Variants in HECTD4 observed in about 807,000 individuals in gnomAD.
HECTD4 encodes the protein HECT domain E3 ubiquitin protein ligase 4.
In HECTD4, 114 loss-of-function variants were observed where a neutral mutation model predicts 471.5. That is an observed-to-expected ratio of 0.24 (90% confidence interval 0.21 to 0.28). The LOEUF is 0.28. HECTD4 is among the 10% of genes least tolerant of loss of function. HECTD4 has a pLI of 1.00. For synonymous variants in HECTD4, 2,012 were observed against 2,256.0 expected, an observed-to-expected ratio of 0.89 and a Z score of 3.07; for missense variants, 3,866 against 5,651.5, an observed-to-expected ratio of 0.68 and a Z score of 10.13.
At chr12:112,265,112 T>C (rs967667117) in intron 16 of HECTD4, 63 bp downstream of exon 16, 5 of 1,445,194 alleles carry the variant, frequency 3.5e-6, no homozygotes, top group South Asian at 2.7e-5. Context: ...CCTGTCAATA[T>C]AATAAAATGA....
intron 60 of HECTD4, among the ~76,000 whole-genome samples, chr12:112,190,054 C>T (rs935283066): frequency 6.6e-6 from 1 of 152,104 alleles, no homozygotes; most frequent in Non-Finnish European, 1.5e-5. Flanking sequence ...GCGTCTGGCC[C>T]GAGTGTGCAA....
In HECTD4 at chr12:112,162,258, G is replaced by T; in HGVS notation, c.*129C>A. The T allele has an allele frequency of 9.5e-7, 1 of 1,052,450 alleles. No individual in the cohort carries two copies. The highest frequency in any genetic ancestry group is 1.4e-6 in the Non-Finnish European group (1 of 712,142). 65.2% of individuals were successfully genotyped at this position (1,052,450 alleles called of 1,614,324 possible). ...TTCCAGGAGGCCCTGGAATGTGGAC[G>T]AAAGTTTGGAAAAGCAAAATGTTGC... On this transcript the variant is annotated 3_prime_UTR_variant, in exon 76 of 76. Transcript: ENST00000682272. The surrounding 1 kb of genome is among the most constrained non-coding windows in gnomAD (Gnocchi z 5.2).
intron 1 of HECTD4, among the ~76,000 whole-genome samples, chr12:112,337,460 T>C (rs2035979118): frequency 6.6e-6 from 1 of 152,186 alleles, no homozygotes; most frequent in African/African-American, 2.4e-5. Context: ...CTTACCAATC[T>C]ATGTTTAGCC....
chr12:112,271,726 G>A (rs994637997), intron 11 of HECTD4, among the ~76,000 whole-genome samples: 2 of 152,094 alleles, frequency 1.3e-5, no homozygotes, highest in Non-Finnish European at 2.9e-5. Flanking sequence ...CCACTCTACT[G>A]AATTTTTCTT....
intron 40 of HECTD4, 136 bp downstream of exon 40, chr12:112,230,549 TCC>T: frequency 9.5e-7 from 1 of 1,047,334 alleles, no homozygotes. Flanking sequence ...TAAAGCAACT[TCC>T]AGGGGAAAGT....
In HECTD4 at chr12:112,179,438, A is replaced by T. The variant is rs766470740; in HGVS notation, c.10988-41T>A. ...GGGGCAAAACAATTCTGCCGTGAACATGCATCGGGACAAGCCCTGCGAGCA... is the reference window on the plus strand; with the variant it reads ...GGGGCAAAACAATTCTGCCGTGAACTTGCATCGGGACAAGCCCTGCGAGCA... On this transcript the variant is annotated intron_variant, in intron 62 of 75. Coordinates refer to ENST00000682272, the MANE Select transcript of HECTD4 (RefSeq NM_001388303.1). This position sits in a 1 kb window ranked among gnomAD's most constrained non-coding sequence, Gnocchi z 4.3. 12 of 1,517,436 alleles carry T rather than the reference A, an allele frequency of 7.9e-6. No homozygotes were observed. The highest frequency in any genetic ancestry group is 9.0e-6 in the Non-Finnish European group (10 of 1,106,408). 94.0% of individuals were successfully genotyped at this position (1,517,436 alleles called of 1,614,324 possible). A position where few individuals can be genotyped will look rare whatever the true frequency, so the allele number is the denominator to read the frequency against.
chr12:112,229,619 T>C (rs1375170510), intron 41 of HECTD4, 79 bp downstream of exon 41: 1 of 1,380,574 alleles, frequency 7.2e-7, no homozygotes, highest in African/African-American at 1.4e-5. Flanking sequence ...ATAATACTTG[T>C]CTTACAGATG....
chr12:112,251,761 T>C (rs1017019446), intron 23 of HECTD4, among the ~76,000 whole-genome samples: 11 of 152,128 alleles, frequency 7.2e-5, no homozygotes, highest in African/African-American at 2.7e-4. Context: ...GTACTCTGTT[T>C]TTTGTTTGTT....
chr12:112,184,478 G>C lies in HECTD4; in HGVS notation c.10488C>G (p.Ser3496Arg), dbSNP rs763605016. ...TGACGGTTTGGGAGATGCCCTGCGA[G>C]CTGCAGATGGAGGCCTGGCTGGTGG... Reference protein sequence around the residue: ...SASTSQASICSSQGISQTVSD... With the variant: ...SASTSQASICRSQGISQTVSD... The change falls in exon 61 of 76, where the codon AGC becomes AGG. Residue 3496 changes from serine to arginine, a missense_variant. Coordinates refer to ENST00000682272, the MANE Select transcript of HECTD4 (RefSeq NM_001388303.1). This position sits in a 1 kb window ranked among gnomAD's most constrained non-coding sequence, Gnocchi z 9.1. 5 of 1,607,106 alleles carry C rather than the reference G, an allele frequency of 3.1e-6. No homozygotes were observed. Among genetic ancestry groups the C allele is most frequent in the Non-Finnish European group, 4.2e-6 (5 of 1,177,416 alleles).
In HECTD4 at chr12:112,243,826, T is replaced by C. The variant is rs575106180; in HGVS notation, c.4649+48A>G. ...CACTCAGGGAGCTTGTTTTGATGAATGCATTCAGCTGCATGTGGGAACCCA... is the reference window on the plus strand; with the variant it reads ...CACTCAGGGAGCTTGTTTTGATGAACGCATTCAGCTGCATGTGGGAACCCA... On this transcript the variant is annotated intron_variant, in intron 30 of 75. Coordinates refer to ENST00000682272, the MANE Select transcript of HECTD4 (RefSeq NM_001388303.1). This position sits in a 1 kb window ranked among gnomAD's most constrained non-coding sequence, Gnocchi z 6.6. 9.9e-6 allele frequency: 16 copies of C among 1,610,470 alleles called. No individual in the cohort carries two copies. Among genetic ancestry groups the C allele is most frequent in the Non-Finnish European group, 1.4e-5 (16 of 1,177,086 alleles).
intron 55 of HECTD4, among the ~76,000 whole-genome samples, chr12:112,196,807 G>GT (rs2032259231): frequency 6.6e-6 from 1 of 150,712 alleles, no homozygotes; most frequent in South Asian, 2.1e-4. Context: ...TCTTTTTTTT[G>GT]TTTTTTGAGA....
chr12:112,334,279 A>C (rs1485633273), intron 1 of HECTD4, among the ~76,000 whole-genome samples: 3 of 151,482 alleles, frequency 2.0e-5, no homozygotes, highest in Non-Finnish European at 2.9e-5. Context: ...CAATCTATAC[A>C]TCTGACAAAG....
At position 112,184,291 on chromosome 12, in the gene HECTD4, C is replaced by T. The variant is rs1317767001; in HGVS notation, c.10675G>A (p.Ala3559Thr). Residue 3559 changes from alanine (A) to threonine (T), a missense_variant, in exon 61 of 76, where the codon GCA becomes ACA. By Grantham distance (58) the Ala-to-Thr change is moderately conservative. This residue lies in a region of HECTD4 where 192 missense variants were observed against 189.9 expected (regional missense o/e 1.01). Transcript: ENST00000682272. This position sits in a 1 kb window ranked among gnomAD's most constrained non-coding sequence, Gnocchi z 9.1. ...LGSLGEPLDNAETASVSDMGS... is the reference protein window; with the variant it reads ...LGSLGEPLDNTETASVSDMGS... ...ATGTCCGACACCGAGGCCGTCTCTG[C>T]ATTGTCCAGGGGCTCCCCCAGGCTG... The T allele has an allele frequency of 6.2e-7, 1 of 1,613,576 alleles. No individual in the cohort carries two copies. Among genetic ancestry groups the T allele is most frequent in the East Asian group, 2.2e-5 (1 of 44,876 alleles).
At chr12:112,215,363 A>G (rs1161441995) in intron 48 of HECTD4, among the ~76,000 whole-genome samples, 1 of 152,184 alleles carries the variant, frequency 6.6e-6, no homozygotes, top group African/African-American at 2.4e-5. Context: ...TCTATTATAG[A>G]TGAAGCCTAA....
At position 112,193,803 on chromosome 12, in the gene HECTD4, CT is replaced by C. The variant is rs1255184475; in HGVS notation, c.8750-130del. 1.3e-6 allele frequency: 1 copy of C among 781,692 alleles called. No individual in the cohort carries two copies. The highest frequency in any genetic ancestry group is 2.1e-6 in the Non-Finnish European group (1 of 474,008). 48.4% of individuals were successfully genotyped at this position (781,692 alleles called of 1,614,324 possible). ...GGAGGGTTATCCTGGATATGATGTCCTGGATAACAGATGCCGGCAATCAGAT... is the reference window on the plus strand; with the variant it reads ...GGAGGGTTATCCTGGATATGATGTCCGGATAACAGATGCCGGCAATCAGAT... On this transcript the variant is annotated intron_variant, in intron 56 of 75. Transcript: ENST00000682272. This position sits in a 1 kb window ranked among gnomAD's most constrained non-coding sequence, Gnocchi z 5.2.
At chr12:112,327,617 G>A (rs2035771231) in intron 1 of HECTD4, among the ~76,000 whole-genome samples, 1 of 152,088 alleles carries the variant, frequency 6.6e-6, no homozygotes, top group African/African-American at 2.4e-5. Context: ...CAGAAGAAAT[G>A]CTTAGAACAT....
chr12:112,231,377 T>G (rs762566045), intron 39 of HECTD4, 136 bp downstream of exon 39: 2 of 755,946 alleles, frequency 2.6e-6, no homozygotes, highest in South Asian at 3.3e-5. Context: ...GTACCTTGAG[T>G]GCAACTACTA....
At chr12:112,185,540 T>A in intron 60 of HECTD4, 47 bp from the exon 61 acceptor site, 1 of 1,419,676 alleles carries the variant, frequency 7.0e-7, no homozygotes, top group Non-Finnish European at 9.6e-7. Context: ...CAGCACTGGC[T>A]ATGTTCCAGG....
In HECTD4 at chr12:112,256,466, C is replaced by A; in HGVS notation, c.3181G>T (p.Ala1061Ser). 6.2e-7 allele frequency: 1 copy of A among 1,608,782 alleles called. No homozygotes were observed. Residue 1061 changes from alanine (A) to serine (S), a missense_variant, in exon 21 of 76, where the codon GCC becomes TCC. Physicochemically the swap from Ala to Ser is moderately conservative, Grantham distance 99. Coordinates refer to ENST00000682272, the MANE Select transcript of HECTD4 (RefSeq NM_001388303.1). The part of the protein sequence containing the change: ...PGFLTGLKIP[A>S]PWAAGKTVET... ...ACAGTCTTTCCAGCAGCCCATGGGG[C>A]AGGAATCTTTAAACCAGTGAGAAAT...
Sources: gnomAD v4.1 joint callset for allele counts (sites outside exome capture counted in the v4.1 genomes callset) on GRCh38, gnomAD v4.1.1 for gene constraint, gnomAD v4.1.1 regional missense constraint, Gnocchi (gnomAD v3.1) non-coding constraint, MANE v1.5 for transcripts, NCBI Gene and HGNC (gene_info 2026-07-23, HGNC 2026-07-21) for gene names.